Variants in NAALADL2 observed in about 807,000 individuals in gnomAD.
NAALADL2 encodes N-acetylated alpha-linked acidic dipeptidase like 2.
In NAALADL2, 76 loss-of-function variants were observed where a neutral mutation model predicts 87.2. The ratio of observed to expected loss-of-function variants is 0.87; its 90% CI spans 0.72 to 1.05. The LOEUF (loss-of-function observed/expected upper bound fraction) is 1.05. Among genes scored for constraint, NAALADL2 ranks in the 50% least tolerant of loss-of-function variants. The probability of loss-of-function intolerance (pLI) is 0.00; values close to 1 mark genes in which losing one functional copy is unlikely to be tolerated. For synonymous variants in NAALADL2, 354 were observed against 331.0 expected (o/e 1.07, Z -0.75); for missense variants, 1,089 against 945.8 (o/e 1.15, Z -1.99).
intron 1 of NAALADL2, among the ~76,000 whole-genome samples, chr3:174,883,890 C>T (rs1210288808): frequency 1.3e-5 from 2 of 152,256 alleles, no homozygotes; most frequent in East Asian, 1.9e-4. Flanking sequence ...TACTAAGAGA[C>T]CCCCTAATGG....
intron 3 of NAALADL2, among the ~76,000 whole-genome samples, chr3:174,787,621 A>ATATATATATATAT (rs1578931205): frequency 1.6e-4 from 18 of 109,234 alleles, no homozygotes; most frequent in South Asian, 2.9e-4. Flanking sequence ...ATATATATAT[A>ATATATATATATAT]GTAGTGACTC....
At chr3:174,522,178 A>G (rs1376772086) in intron 1 of NAALADL2, among the ~76,000 whole-genome samples, 4 of 152,286 alleles carry the variant, frequency 2.6e-5, no homozygotes, top group South Asian at 4.1e-4. Flanking sequence ...TTTTTCTTAT[A>G]TTTCCTCTGC....
intron 2 of NAALADL2, among the ~76,000 whole-genome samples, chr3:175,117,200 G>T (rs1323850314): frequency 1.3e-5 from 2 of 152,048 alleles, no homozygotes; most frequent in African/African-American, 4.8e-5. Context: ...ACATAGGCAT[G>T]GGCAAGGACT....
chr3:175,526,060 C>A (rs766302584), intron 9 of NAALADL2, among the ~76,000 whole-genome samples: 1 of 152,082 alleles, frequency 6.6e-6, no homozygotes, highest in East Asian at 1.9e-4. Flanking sequence ...ATCTACAATT[C>A]GCAACCAGTA....
At chr3:174,982,868 G>A (rs149692263) in intron 1 of NAALADL2, among the ~76,000 whole-genome samples, 1,656 of 151,960 alleles carry the variant, frequency 0.011, 11 homozygotes, top group Non-Finnish European at 0.015. Flanking sequence ...CATGATCTCC[G>A]CTCACTGCAA....
intron 9 of NAALADL2, chr3:175,487,401 A>G: frequency 2.5e-6 from 1 of 407,338 alleles, no homozygotes; most frequent in Admixed American, 2.9e-5. Flanking sequence ...TGTATTCCTG[A>G]AACCTAAATG....
chr3:175,718,382 G>A (rs4894731), intron 11 of NAALADL2: 4 of 1,595,690 alleles, frequency 2.5e-6, no homozygotes, highest in Non-Finnish European at 3.4e-6. Flanking sequence ...CACTCCATTA[G>A]AACTATTTAC....
intron 5 of NAALADL2, among the ~76,000 whole-genome samples, chr3:175,376,825 C>G (rs529209764): frequency 1.3e-5 from 2 of 152,218 alleles, no homozygotes; most frequent in East Asian, 3.9e-4. Context: ...TTTTACCATG[C>G]TTCAGCTGGG....
chr3:175,708,753 G>T (rs1740094847), intron 11 of NAALADL2, among the ~76,000 whole-genome samples: 1 of 151,538 alleles, frequency 6.6e-6, no homozygotes, highest in Admixed American at 6.6e-5. Flanking sequence ...AATAAAAAGA[G>T]AGTGAGTTTA....
chr3:175,633,124 A>G (rs1728031863), intron 11 of NAALADL2, among the ~76,000 whole-genome samples: 1 of 152,104 alleles, frequency 6.6e-6, no homozygotes, highest in African/African-American at 2.4e-5. Flanking sequence ...CAGAAATATT[A>G]TAAGGAGAAA....
chr3:174,846,518 G>A (rs891377378), intron 3 of NAALADL2, among the ~76,000 whole-genome samples: 1 of 152,092 alleles, frequency 6.6e-6, no homozygotes, highest in Non-Finnish European at 1.5e-5. Context: ...AGTAATAAGA[G>A]AATTAAAAGT....
chr3:174,776,622 T>C (rs763444306), intron 3 of NAALADL2, among the ~76,000 whole-genome samples: 2 of 152,172 alleles, frequency 1.3e-5, no homozygotes, highest in Non-Finnish European at 2.9e-5. Context: ...TTTGGGAACT[T>C]GTAATGATAC....
intron 10 of NAALADL2, among the ~76,000 whole-genome samples, chr3:175,610,356 GT>G (rs1001787477): frequency 9.9e-5 from 15 of 151,032 alleles, no homozygotes; most frequent in African/African-American, 3.4e-4. Context: ...CAATGACTGT[GT>G]TTTTTTTTAC....
At chr3:175,005,748 A>G (rs1377200801) in intron 1 of NAALADL2, among the ~76,000 whole-genome samples, 1 of 152,204 alleles carries the variant, frequency 6.6e-6, no homozygotes, top group African/African-American at 2.4e-5. Flanking sequence ...TATTTTTTAA[A>G]AAGTTATAAA....
chr3:175,185,164 C>A (rs1737141366), intron 2 of NAALADL2, among the ~76,000 whole-genome samples: 1 of 151,956 alleles, frequency 6.6e-6, no homozygotes. Flanking sequence ...AATTCAAAGC[C>A]CTATTAAATG....
chr3:175,329,886 A>T (rs1687400824), intron 5 of NAALADL2, among the ~76,000 whole-genome samples: 2 of 152,204 alleles, frequency 1.3e-5, no homozygotes, highest in South Asian at 4.1e-4. Flanking sequence ...TTGGCGACGT[A>T]AGTTCTCTTG....
chr3:175,670,524 A>T (rs1733841011), intron 11 of NAALADL2, among the ~76,000 whole-genome samples: 2 of 146,974 alleles, frequency 1.4e-5, no homozygotes, highest in South Asian at 4.2e-4. Flanking sequence ...TTTATATTAA[A>T]TGTAAATTTA....
intron 1 of NAALADL2, among the ~76,000 whole-genome samples, chr3:175,071,738 T>C (rs1018986875): frequency 4.6e-5 from 7 of 151,902 alleles, no homozygotes; most frequent in Admixed American, 1.3e-4. Flanking sequence ...GGAAATGATA[T>C]TGCAAAGCAT....
intron 13 of NAALADL2, chr3:175,776,183 A>G (rs1482079730): frequency 6.6e-6 from 1 of 152,004 alleles, no homozygotes; most frequent in East Asian, 1.9e-4. Context: ...TTGAAAACAT[A>G]CTTCCAAGGC....
Sources: gnomAD v4.1 joint callset for allele counts (sites outside exome capture counted in the v4.1 genomes callset) on GRCh38, gnomAD v4.1.1 for gene constraint, MANE v1.5 for transcripts, NCBI Gene and HGNC (gene_info 2026-07-23, HGNC 2026-07-21) for gene names.